Variants in SPTBN1 observed in about 807,000 individuals in gnomAD.
SPTBN1 encodes the protein spectrin beta chain, non-erythrocytic 1.
A neutral mutation model predicts 266.4 loss-of-function variants in SPTBN1; 32 were observed. The ratio of observed to expected loss-of-function variants is 0.12; its 90% confidence interval spans 0.09 to 0.16. SPTBN1 has a LOEUF of 0.16. Ranked by LOEUF, SPTBN1 falls within the 10% of genes least tolerant of loss-of-function variation. The probability of loss-of-function intolerance (pLI) is 1.00; values close to 1 mark genes in which losing one functional copy is unlikely to be tolerated. For missense variants in SPTBN1, 2,296 were observed against 3,067.1 expected, an observed-to-expected ratio of 0.75 and a Z score of 5.94; for synonymous variants, 1,336 against 1,162.2, an observed-to-expected ratio of 1.15 and a Z score of -3.04.
chr2:54,556,377 T>C (rs1416367738), intron 2 of SPTBN1, among the ~76,000 whole-genome samples: 1 of 152,236 alleles, frequency 6.6e-6, no homozygotes, highest in East Asian at 1.9e-4. Context: ...TCGTCCCAGC[T>C]CTACTGCCAT....
chr2:54,460,396 G>C (rs1269395888), intron 1 of SPTBN1, among the ~76,000 whole-genome samples: 1 of 152,138 alleles, frequency 6.6e-6, no homozygotes, highest in Non-Finnish European at 1.5e-5. Flanking sequence ...CTTGGTGGAA[G>C]AGTCCTATAT....
chr2:54,635,404 C>G (rs989581695), intron 17 of SPTBN1, among the ~76,000 whole-genome samples: 1 of 152,218 alleles, frequency 6.6e-6, no homozygotes, highest in Admixed American at 6.5e-5. Flanking sequence ...AGGCCGTTGT[C>G]ACACCTGCGC....
At chr2:54,472,613 G>A (rs529592211) in intron 1 of SPTBN1, among the ~76,000 whole-genome samples, 4 of 148,096 alleles carry the variant, frequency 2.7e-5, no homozygotes, top group African/African-American at 8.0e-5. Flanking sequence ...GTAAAAACAG[G>A]GGGGGTTGGG....
chr2:54,646,152 G>A lies in SPTBN1; in HGVS notation c.4585-42G>A. 1 of 1,591,958 alleles carries A rather than the reference G, an allele frequency of 6.3e-7. No individual in the cohort carries two copies. Among genetic ancestry groups the A allele is most frequent in the Non-Finnish European group, 8.6e-7 (1 of 1,167,696 alleles). On this transcript the variant is annotated intron_variant, in intron 22 of 35. Transcript: ENST00000356805. This position sits in a 1 kb window ranked among gnomAD's most constrained non-coding sequence, Gnocchi z 4.4. ...AGCTTGACATAAGCAGCAGACGGCT[G>A]CCATTTAGCAAGCCTTTGTGTGTAT...
intron 2 of SPTBN1, among the ~76,000 whole-genome samples, chr2:54,565,051 A>C (rs1212347692): frequency 1.3e-5 from 2 of 152,002 alleles, no homozygotes; most frequent in African/African-American, 4.8e-5. Flanking sequence ...ATCATCTGGG[A>C]ATTGGCTAGA....
Position 54,668,680 on chromosome 2 carries a change from A to ATTT in SPTBN1, c.*124_*126dup. The ATTT allele has an allele frequency of 1.4e-5, 8 of 552,802 alleles. No homozygotes were observed. The highest frequency in any genetic ancestry group is 1.9e-5 in the Non-Finnish European group (7 of 368,478). The allele number at this position is 552,802 out of a possible 1,614,324, so 34.2% of individuals were successfully genotyped here. A position where few individuals can be genotyped will look rare whatever the true frequency, so the allele number is the denominator to read the frequency against. On this transcript the variant is annotated 3_prime_UTR_variant, in exon 36 of 36. Coordinates refer to ENST00000356805, the MANE Select transcript of SPTBN1 (RefSeq NM_003128.3). Reference sequence around the variant, plus strand: ...TGCCTAATGTTCCTCAATGTGGTTGATTTTTTTTTTTTTTTAATTTATAGA... The same window carrying ATTT: ...TGCCTAATGTTCCTCAATGTGGTTGATTTTTTTTTTTTTTTTTTAATTTATAGA...
At chr2:54,632,421 CCTAA>C (rs1678813316) in intron 16 of SPTBN1, 141 bp from the exon 17 acceptor site, 4 of 931,766 alleles carry the variant, frequency 4.3e-6, no homozygotes, top group South Asian at 1.7e-5. Flanking sequence ...TTTTTTTCCT[CCTAA>C]CTTTTAATTT....
intron 1 of SPTBN1, among the ~76,000 whole-genome samples, chr2:54,459,602 A>G (rs534479304): frequency 2.2e-4 from 30 of 137,778 alleles, no homozygotes; most frequent in African/African-American, 9.1e-4. Flanking sequence ...TTTAAAGCCT[A>G]ATTTTTTTTA....
In SPTBN1 at chr2:54,485,538, C is replaced by G. The variant is rs761435152; in HGVS notation, c.-48+29020C>G. Among the ~76,000 whole-genome samples the G allele has an allele frequency of 1.1e-4, 16 of 152,334 alleles. No individual in the cohort carries two copies. In the Middle Eastern group the frequency reaches 0.01, roughly 97 times the overall value. On this transcript the variant is annotated intron_variant, in intron 1 of 35. Transcript: ENST00000356805. Reference sequence around the variant, plus strand: ...AGTGCAGTGGCGTGATCTCGGCTGGCTACAACCTCCACCTCCCAGCCGCCT... The same window carrying G: ...AGTGCAGTGGCGTGATCTCGGCTGGGTACAACCTCCACCTCCCAGCCGCCT...
At chr2:54,526,784 T>G (rs965202424) in intron 2 of SPTBN1, 7 of 434,646 alleles carry the variant, frequency 1.6e-5, no homozygotes, top group Non-Finnish European at 2.4e-5. Context: ...GAGCACAGAG[T>G]GTTATTTATA....
intron 2 of SPTBN1, among the ~76,000 whole-genome samples, chr2:54,598,722 G>A (rs1382965763): frequency 6.6e-6 from 1 of 152,174 alleles, no homozygotes; most frequent in Non-Finnish European, 1.5e-5. Context: ...GGACCCTGTT[G>A]TCATCTGCAT....
At chr2:54,470,557 A>G (rs549694509) in intron 1 of SPTBN1, among the ~76,000 whole-genome samples, 46 of 152,380 alleles carry the variant, frequency 3.0e-4, no homozygotes, top group African/African-American at 9.6e-4. Flanking sequence ...AATGGAATGT[A>G]GCAGCATTTG....
intron 16 of SPTBN1, 42 bp from the exon 17 acceptor site, chr2:54,632,524 C>G (rs773461276): frequency 6.3e-7 from 1 of 1,589,548 alleles, no homozygotes; most frequent in Admixed American, 1.7e-5. Context: ...AAAATGAGAT[C>G]CTTCATTGAT....
chr2:54,583,599 A>C (rs1353270766), intron 2 of SPTBN1, among the ~76,000 whole-genome samples: 1 of 152,186 alleles, frequency 6.6e-6, no homozygotes, highest in African/African-American at 2.4e-5. Context: ...TTAAAAATTA[A>C]TATCCTTAGT....
intron 1 of SPTBN1, among the ~76,000 whole-genome samples, chr2:54,466,888 T>C (rs925581900): frequency 6.6e-6 from 1 of 152,246 alleles, no homozygotes; most frequent in Non-Finnish European, 1.5e-5. Context: ...AATGAAGATA[T>C]AAAGAACACT....
intron 1 of SPTBN1, among the ~76,000 whole-genome samples, chr2:54,461,747 A>G (rs1693380319): frequency 6.6e-6 from 1 of 152,178 alleles, no homozygotes; most frequent in Non-Finnish European, 1.5e-5. Flanking sequence ...GTACCTGTTC[A>G]GTCTTTTACC....
intron 1 of SPTBN1, among the ~76,000 whole-genome samples, chr2:54,509,299 T>C (rs182288355): frequency 2.6e-5 from 4 of 152,244 alleles, no homozygotes; most frequent in African/African-American, 9.6e-5. Flanking sequence ...TGGATTGAAG[T>C]CCGGGCCAGG....
intron 2 of SPTBN1, among the ~76,000 whole-genome samples, chr2:54,563,544 G>A (rs1673460236): frequency 6.8e-6 from 1 of 146,612 alleles, no homozygotes; most frequent in East Asian, 2.1e-4. Flanking sequence ...TTAACTCTTA[G>A]AAAGTGAAGT....
At position 54,668,710 on chromosome 2, in the gene SPTBN1, T is replaced by C; in HGVS notation, c.*141T>C. Reference sequence around the variant, plus strand: ...TTTTTTTTTTTAATTTATAGAGCATTTCGGGGGGGGTGGGGGAAACACACC... The same window carrying C: ...TTTTTTTTTTTAATTTATAGAGCATCTCGGGGGGGGTGGGGGAAACACACC... On this transcript the variant is annotated 3_prime_UTR_variant, in exon 36 of 36. Transcript: ENST00000356805. 1.7e-6 allele frequency: 1 copy of C among 581,822 alleles called. No homozygotes were observed. Among genetic ancestry groups the C allele is most frequent in the Non-Finnish European group, 2.7e-6 (1 of 367,320 alleles). The allele number at this position is 581,822 out of a possible 1,614,324, so 36.0% of individuals were successfully genotyped here.
Sources: allele counts gnomAD v4.1 joint callset (sites outside exome capture counted in the v4.1 genomes callset), GRCh38; gene constraint gnomAD v4.1.1; non-coding constraint Gnocchi (gnomAD v3.1); transcripts MANE v1.5; gene names NCBI Gene and HGNC (gene_info 2026-07-23, HGNC 2026-07-21).